SPATA31G1: variants seen among roughly 807,000 people sequenced by gnomAD.
The protein encoded by SPATA31G1 is SPATA31 subfamily G member 1.
the SPATA31G1 span, chr9:35,042,991 C>T: frequency 1.2e-6 from 2 of 1,614,166 alleles, no homozygotes; most frequent in South Asian, 2.2e-5. Context: ...AAGCCATGTT[C>T]TCCTACCAAA....
At chr9:35,042,666 G>T in the SPATA31G1 span, 1 of 1,175,676 alleles carries the variant, frequency 8.5e-7, no homozygotes, top group Non-Finnish European at 1.2e-6. Context: ...TAGAATGAGG[G>T]AATACTGATC....
the SPATA31G1 span, chr9:35,045,756 G>A: frequency 6.2e-7 from 1 of 1,614,198 alleles, no homozygotes; most frequent in South Asian, 1.1e-5. Context: ...GGCCCACATG[G>A]AGAAGTATCT....
At chr9:35,042,880 G>C in the SPATA31G1 span, 2 of 1,614,038 alleles carry the variant, frequency 1.2e-6, no homozygotes, top group Non-Finnish European at 1.7e-6. Context: ...CTTCTGCACC[G>C]TGTGGCCTTC....
At chr9:35,045,137 C>A in the SPATA31G1 span, 1 of 1,613,982 alleles carries the variant, frequency 6.2e-7, no homozygotes, top group African/African-American at 1.3e-5. Flanking sequence ...TTTATCCCCC[C>A]AATCCATGCC....
At chr9:35,045,161 T>C in the SPATA31G1 span, 4 of 1,613,890 alleles carry the variant, frequency 2.5e-6, no homozygotes, top group East Asian at 8.9e-5. Context: ...ACTCTTCAAG[T>C]TGTCATCCTC....
the SPATA31G1 span, chr9:35,043,637 T>C: frequency 3.7e-6 from 6 of 1,614,214 alleles, no homozygotes; most frequent in East Asian, 4.5e-5. Flanking sequence ...CCCAAGCTTT[T>C]GAGCCTCCGA....
the SPATA31G1 span, chr9:35,042,065 G>A: frequency 1.2e-6 from 1 of 815,822 alleles, no homozygotes; most frequent in Non-Finnish European, 1.9e-6. Context: ...GCATAATTCT[G>A]AACTGGGCAA....
chr9:35,044,396 G>A, the SPATA31G1 span: 3 of 1,613,958 alleles, frequency 1.9e-6, no homozygotes, highest in Non-Finnish European at 2.5e-6. Context: ...CTAGATGTGG[G>A]GACATACAAA....
At chr9:35,043,535 T>C in the SPATA31G1 span, 1 of 1,614,198 alleles carries the variant, frequency 6.2e-7, no homozygotes, top group Non-Finnish European at 8.5e-7. Flanking sequence ...TATCTGGCGC[T>C]GAGGCACCCA....
the SPATA31G1 span, chr9:35,043,345 C>T: frequency 6.2e-7 from 1 of 1,614,200 alleles, no homozygotes; most frequent in Middle Eastern, 1.6e-4. Flanking sequence ...CTACCTAGGT[C>T]CAACCTGTTG....
At chr9:35,045,263 C>T in the SPATA31G1 span, 1 of 1,614,140 alleles carries the variant, frequency 6.2e-7, no homozygotes, top group Non-Finnish European at 8.5e-7. Flanking sequence ...AGGAGTCTGG[C>T]AGGGCGGAAC....
chr9:35,043,072 A>G, the SPATA31G1 span: 22 of 1,614,036 alleles, frequency 1.4e-5, no homozygotes, highest in Non-Finnish European at 1.8e-5. Context: ...GGCCTCCTCA[A>G]GGCTATAGGG....
chr9:35,042,277 T>C, the SPATA31G1 span: 20 of 1,613,978 alleles, frequency 1.2e-5, no homozygotes, highest in African/African-American at 4.0e-5. Flanking sequence ...CTGGAGGACC[T>C]GCTTGGGGCT....
the SPATA31G1 span, chr9:35,045,358 G>A: frequency 5.0e-5 from 81 of 1,613,988 alleles, no homozygotes; most frequent in Non-Finnish European, 6.7e-5. Context: ...ATGGAGGCTG[G>A]TGTGGACTAT....
At chr9:35,041,348 G>A in the SPATA31G1 span, 1 of 225,534 alleles carries the variant, frequency 4.4e-6, no homozygotes, top group Non-Finnish European at 9.1e-6. Context: ...GCTTCTAAGA[G>A]ATGTTACTAT....
chr9:35,044,469 G>A, the SPATA31G1 span: 23 of 1,614,092 alleles, frequency 1.4e-5, no homozygotes, highest in African/African-American at 1.1e-4. Context: ...CCTGCATGGA[G>A]CCAGCCCTCT....
chr9:35,044,575 C>T, the SPATA31G1 span: 1 of 1,614,166 alleles, frequency 6.2e-7, no homozygotes, highest in South Asian at 1.1e-5. Context: ...AGCCCATCCT[C>T]AAACTCTGTT....
At chr9:35,042,895 A>G in the SPATA31G1 span, 57 of 1,614,126 alleles carry the variant, frequency 3.5e-5, no homozygotes, top group East Asian at 1.2e-3. Context: ...GCCTTCCTTG[A>G]TCACCTGTGT....
chr9:35,042,259 A>C, the SPATA31G1 span: 1 of 1,613,962 alleles, frequency 6.2e-7, no homozygotes, highest in African/African-American at 1.3e-5. Context: ...AGGGAAATGG[A>C]ATGGCTGCTG....
Sources: gnomAD v4.1 joint callset for allele counts on GRCh38, gnomAD v4.1.1 for gene constraint, MANE v1.5 for transcripts, NCBI Gene and HGNC (gene_info 2026-07-23, HGNC 2026-07-21) for gene names.